CDH4: variants seen among roughly 807,000 people sequenced by gnomAD.
The protein encoded by CDH4 is cadherin-4.
A neutral mutation model predicts 86.0 loss-of-function variants in CDH4; 33 were observed. The observed-to-expected ratio is 0.38, with a 90% confidence interval of 0.29 to 0.51. The LOEUF (loss-of-function observed/expected upper bound fraction) is 0.51, where lower values mean the gene tolerates loss of function less well. Among genes scored for constraint, CDH4 ranks in the 20% least tolerant of loss-of-function variants. The pLI, the probability that CDH4 is intolerant of heterozygous loss-of-function variation, is 0.86. For synonymous variants in CDH4, 555 were observed against 549.4 expected, an observed-to-expected ratio of 1.01 and a Z score of -0.14; for missense variants, 1,114 against 1,307.4, an observed-to-expected ratio of 0.85 and a Z score of 2.28.
At chr20:61,402,336 G>A (rs569012568) in intron 2 of CDH4, among the ~76,000 whole-genome samples, 33 of 152,270 alleles carry the variant, frequency 2.2e-4, no homozygotes, top group African/African-American at 7.5e-4. Flanking sequence ...TTGTTATACT[G>A]TATTGTTTAT....
chr20:61,621,612 G>A (rs1413786393), intron 2 of CDH4, among the ~76,000 whole-genome samples: 1 of 152,148 alleles, frequency 6.6e-6, no homozygotes, highest in Non-Finnish European at 1.5e-5. Context: ...CAGAAATACA[G>A]CACACACGAG....
intron 2 of CDH4, among the ~76,000 whole-genome samples, chr20:61,284,149 C>CAAA (rs5842344): frequency 7.3e-6 from 1 of 136,514 alleles, no homozygotes. Context: ...ACTAAAAATA[C>CAAA]AAAAAAAAAA....
chr20:61,359,847 G>C (rs570181470), intron 2 of CDH4, among the ~76,000 whole-genome samples: 13 of 152,336 alleles, frequency 8.5e-5, no homozygotes, highest in African/African-American at 2.9e-4. Flanking sequence ...GCCTCAGAAA[G>C]AAAGTGTTTA....
At chr20:61,371,355 C>T (rs1425032628) in intron 2 of CDH4, among the ~76,000 whole-genome samples, 5 of 152,164 alleles carry the variant, frequency 3.3e-5, no homozygotes, top group African/African-American at 9.7e-5. Context: ...TGAAGGGGAC[C>T]CTTCCTGGGG....
Position 61,933,009 on chromosome 20 carries a change from G to A in CDH4, c.2264G>A (p.Trp755Ter). ...LLTMVLLFVM[W>*]MKRREKERHT... Reference sequence around the variant, plus strand: ...GCCATGGTCCTGCTGTTTGTCATGTGGATGAAGCGGCGAGAGAAGGAGCGC... The same window carrying A: ...GCCATGGTCCTGCTGTTTGTCATGTAGATGAAGCGGCGAGAGAAGGAGCGC... Residue 755 changes from tryptophan to a stop codon, truncating the protein, a stop_gained, in exon 14 of 16, where the codon TGG (tryptophan) becomes TAG (stop). Transcript: ENST00000614565. LOFTEE classifies it high-confidence loss of function. 6.2e-7 allele frequency: 1 copy of A among 1,613,340 alleles called. No individual in the cohort carries two copies. The highest frequency in any genetic ancestry group is 8.5e-7 in the Non-Finnish European group (1 of 1,179,996).
chr20:61,295,236 T>G (rs1055162286), intron 2 of CDH4, among the ~76,000 whole-genome samples: 1 of 152,216 alleles, frequency 6.6e-6, no homozygotes, highest in African/African-American at 2.4e-5. Context: ...TGGAAAATTT[T>G]TTAATTTTGC....
At chr20:61,699,784 C>T (rs953615109) in intron 2 of CDH4, among the ~76,000 whole-genome samples, 9 of 135,884 alleles carry the variant, frequency 6.6e-5, no homozygotes, top group South Asian at 2.4e-4. Context: ...GGGCTTTCAC[C>T]GCTGACCCGG....
intron 2 of CDH4, among the ~76,000 whole-genome samples, chr20:61,396,896 A>G (rs1194287921): frequency 6.6e-6 from 1 of 152,134 alleles, no homozygotes; most frequent in Non-Finnish European, 1.5e-5. Context: ...TCAACTATGT[A>G]AACAGTATCT....
chr20:61,504,893 A>C (rs1338155470), intron 2 of CDH4, among the ~76,000 whole-genome samples: 3 of 152,142 alleles, frequency 2.0e-5, no homozygotes, highest in Non-Finnish European at 2.9e-5. Flanking sequence ...TTCCTCTCCA[A>C]GGGCTTGATT....
In CDH4 at chr20:61,599,211, C is replaced by T. The variant is rs147733595; in HGVS notation, c.170-144352C>T. On this transcript the variant is annotated intron_variant, in intron 2 of 15. Transcript: ENST00000614565. The stretch of plus-strand genomic sequence containing the variant: ...CATGTCCTGCTGATCACTCCCACCC[C>T]GCCCTGCCATGCCATTCACCATCTC... Among the ~76,000 whole-genome samples the T allele has an allele frequency of 1.0e-2, 1,523 of 152,308 alleles. 27 individuals are homozygous for T. Among genetic ancestry groups the T allele is most frequent in the African/African-American group, 0.035 (1,473 of 41,558 alleles).
At position 61,937,992 on chromosome 20, in the gene CDH4, G is replaced by A. The variant is rs531959192; in HGVS notation, c.*1049G>A. On this transcript the variant is annotated 3_prime_UTR_variant, in exon 16 of 16. Transcript: ENST00000614565. ...CCTGGCAGCTGAAGAGGGCAGTTAC[G>A]GTTGGGCGTGGTGACCAGAACACAC... 182 of 152,508 alleles carry A rather than the reference G, an allele frequency of 1.2e-3. 2 individuals carry two copies. Among genetic ancestry groups the A allele is most frequent in the Non-Finnish European group, 1.8e-3 (120 of 68,218 alleles). 9.4% of individuals were successfully genotyped at this position (152,508 alleles called of 1,614,324 possible).
intron 3 of CDH4, among the ~76,000 whole-genome samples, chr20:61,767,959 T>G (rs1312194674): frequency 6.6e-6 from 1 of 152,108 alleles, no homozygotes; most frequent in Non-Finnish European, 1.5e-5. Flanking sequence ...CAGGTGTCCG[T>G]GAGTGGATGG....
At chr20:61,523,329 C>T (rs572071291) in intron 2 of CDH4, among the ~76,000 whole-genome samples, 241 of 152,360 alleles carry the variant, frequency 1.6e-3, no homozygotes, top group Middle Eastern at 6.8e-3. Context: ...CTCTGCTCGC[C>T]GGTCTCTGCT....
chr20:61,558,181 A>G (rs1235960740), intron 2 of CDH4, among the ~76,000 whole-genome samples: 1 of 152,180 alleles, frequency 6.6e-6, no homozygotes, highest in Non-Finnish European at 1.5e-5. Context: ...CACCCCATTT[A>G]GCTGCTGGGT....
intron 2 of CDH4, among the ~76,000 whole-genome samples, chr20:61,565,971 C>T (rs376148045): frequency 1.3e-5 from 2 of 152,182 alleles, no homozygotes; most frequent in Admixed American, 6.5e-5. Flanking sequence ...GATGGGAGGA[C>T]CCTCGTCTTG....
chr20:61,445,819 G>A (rs1408683411), intron 2 of CDH4, among the ~76,000 whole-genome samples: 4 of 152,232 alleles, frequency 2.6e-5, no homozygotes, highest in Non-Finnish European at 4.4e-5. Flanking sequence ...ATGGTCCTTC[G>A]CCCTTTCCTG....
chr20:61,673,192 C>T (rs2087409238), intron 2 of CDH4, among the ~76,000 whole-genome samples: 2 of 152,174 alleles, frequency 1.3e-5, no homozygotes, highest in Non-Finnish European at 2.9e-5. Flanking sequence ...GCCCCTCCTG[C>T]ACAGTGACCT....
chr20:61,364,063 C>CA (rs2084798218), intron 2 of CDH4, among the ~76,000 whole-genome samples: 1 of 152,162 alleles, frequency 6.6e-6, no homozygotes, highest in Non-Finnish European at 1.5e-5. Flanking sequence ...TTTAGACACT[C>CA]ACCATGCATT....
chr20:61,344,936 C>T (rs1017458319), intron 2 of CDH4, among the ~76,000 whole-genome samples: 1 of 152,174 alleles, frequency 6.6e-6, no homozygotes, highest in African/African-American at 2.4e-5. Flanking sequence ...CGGCTATTGA[C>T]CCGCAGACTC....
Sources: allele counts gnomAD v4.1 joint callset (sites outside exome capture counted in the v4.1 genomes callset), GRCh38; gene constraint gnomAD v4.1.1; transcripts MANE v1.5; gene names NCBI Gene and HGNC (gene_info 2026-07-23, HGNC 2026-07-21).